TMEM62: variants seen among roughly 807,000 people sequenced by gnomAD.
TMEM62 encodes transmembrane protein 62.
In TMEM62, 41 loss-of-function variants were observed where a neutral mutation model predicts 70.4. The observed-to-expected ratio is 0.58, with a 90% CI of 0.45 to 0.76. The LOEUF (loss-of-function observed/expected upper bound fraction) is 0.76, where lower values mean the gene tolerates loss of function less well. Ranked by LOEUF, TMEM62 falls within the 30% of genes least tolerant of loss-of-function variation. The pLI is 0.00. For synonymous variants in TMEM62, 268 were observed against 291.0 expected (o/e 0.92, Z 0.80); for missense variants, 688 against 788.5 (o/e 0.87, Z 1.53).
At chr15:43,153,235 T>C (rs1288130935) in intron 8 of TMEM62, among the ~76,000 whole-genome samples, 1 of 152,086 alleles carries the variant, frequency 6.6e-6, no homozygotes, top group African/African-American at 2.4e-5. Flanking sequence ...GGAGCTAAAA[T>C]CACTATTTTT....
In TMEM62 at chr15:43,135,157, A is replaced by G. The variant is rs74790946; in HGVS notation, c.293-355A>G. On this transcript the variant is annotated intron_variant, in intron 2 of 13. Transcript: ENST00000260403. Reference sequence around the variant, plus strand: ...TTGTGGTTTGGAAAATATGGTTGCCATAGATATTAGGCAGCCACTCAGAGT... The same window carrying G: ...TTGTGGTTTGGAAAATATGGTTGCCGTAGATATTAGGCAGCCACTCAGAGT... Among the ~76,000 whole-genome samples the G allele has an allele frequency of 6.1e-3, 932 of 152,386 alleles. 11 individuals carry two copies. Among genetic ancestry groups the G allele is most frequent in the African/African-American group, 0.021 (886 of 41,598 alleles).
Position 43,169,627 on chromosome 15 carries a change from A to G in TMEM62, c.1331A>G (p.Gln444Arg). 3.1e-6 allele frequency: 5 copies of G among 1,614,142 alleles called. No individual in the cohort carries two copies. Among genetic ancestry groups the G allele is most frequent in the Non-Finnish European group, 4.2e-6 (5 of 1,179,984 alleles). The change falls in exon 11 of 14, where the codon CAG (glutamine) becomes CGG (arginine). Residue 444 changes from glutamine (Q) to arginine (R), a missense_variant. Physicochemically the swap from Gln to Arg is conservative, Grantham distance 43. Coordinates refer to ENST00000260403, the MANE Select transcript of TMEM62 (RefSeq NM_024956.4). The part of the protein sequence containing the change: ...RVLFVLIVLS[Q>R]LTILIIFRYR... ...CTTTTTGTGCTGATTGTGCTGAGCC[A>G]GCTCACCATTCTCATTATTTTTAGA... is the stretch of plus-strand genomic sequence containing the variant.
At chr15:43,161,714 G>C (rs1356320993) in intron 10 of TMEM62, among the ~76,000 whole-genome samples, 3 of 152,050 alleles carry the variant, frequency 2.0e-5, no homozygotes, top group African/African-American at 7.2e-5. Context: ...AGGCTGGAGT[G>C]CAATAGTGCC....
chr15:43,135,457 G>T, intron 2 of TMEM62, 55 bp from the exon 3 acceptor site: 1 of 1,528,210 alleles, frequency 6.5e-7, no homozygotes, highest in Non-Finnish European at 8.7e-7. Flanking sequence ...TAAAAAAAAT[G>T]GAACCCCCAG....
chr15:43,147,545 A>G (rs2036832123), intron 5 of TMEM62, among the ~76,000 whole-genome samples: 1 of 152,238 alleles, frequency 6.6e-6, no homozygotes, highest in Non-Finnish European at 1.5e-5. Flanking sequence ...TAAGACCAGT[A>G]TAGAAATAAA....
intron 4 of TMEM62, among the ~76,000 whole-genome samples, chr15:43,140,100 G>A (rs78456592): frequency 0.056 from 8,479 of 152,128 alleles, 772 homozygotes; most frequent in African/African-American, 0.19. Flanking sequence ...TGAGAAAGTT[G>A]CACAATAATT....
Position 43,145,350 on chromosome 15 carries a change from G to A in TMEM62, c.477-1143G>A, listed in dbSNP as rs570215299. Reference sequence around the variant, plus strand: ...CTCTGGAGTAGCTGGGACTACAGGCGCCCGCCAGCACGCCCGGCTAATTTT... The same window carrying A: ...CTCTGGAGTAGCTGGGACTACAGGCACCCGCCAGCACGCCCGGCTAATTTT... On this transcript the variant is annotated intron_variant, in intron 4 of 13. Coordinates refer to ENST00000260403, the MANE Select transcript of TMEM62 (RefSeq NM_024956.4). Among the ~76,000 whole-genome samples, 3 of 151,388 alleles carry A rather than the reference G, an allele frequency of 2.0e-5. No individual in the cohort carries two copies. The East Asian group carries it at 6.0e-4, about 30-fold the overall frequency.
intron 9 of TMEM62, among the ~76,000 whole-genome samples, chr15:43,159,562 A>G (rs1410776351): frequency 1.3e-5 from 2 of 152,184 alleles, no homozygotes; most frequent in East Asian, 3.8e-4. Flanking sequence ...TGTTGTTGCA[A>G]ATGATAGGAT....
At chr15:43,174,092 G>C (rs1297471993) in intron 11 of TMEM62, among the ~76,000 whole-genome samples, 2 of 151,832 alleles carry the variant, frequency 1.3e-5, no homozygotes, top group Non-Finnish European at 2.9e-5. Context: ...TCAAACTCCT[G>C]ACCTCAGGTG....
At position 43,138,661 on chromosome 15, in the gene TMEM62, T is replaced by A. The variant is rs2035576294; in HGVS notation, c.476+42T>A. 2.7e-6 allele frequency: 4 copies of A among 1,468,488 alleles called. No homozygotes were observed. The South Asian group carries it at 4.9e-5, about 18-fold the overall frequency. The allele number at this position is 1,468,488 out of a possible 1,614,324, so 91.0% of individuals were successfully genotyped here. ...AAGACAGACCACTATGTAGAGTCAG[T>A]GTTATAAGGAGGGTGTGGTCAACTC... is the stretch of plus-strand genomic sequence containing the variant. On this transcript the variant is annotated intron_variant, in intron 4 of 13. Coordinates refer to ENST00000260403, the MANE Select transcript of TMEM62 (RefSeq NM_024956.4).
intron 10 of TMEM62, among the ~76,000 whole-genome samples, chr15:43,166,845 G>C (rs573881557): frequency 2.6e-5 from 4 of 152,268 alleles, no homozygotes; most frequent in African/African-American, 7.2e-5. Flanking sequence ...GAGAGCACAG[G>C]GTTGGGGGTA....
intron 12 of TMEM62, chr15:43,180,941 A>G (rs1555467004): frequency 1.7e-5 from 6 of 362,240 alleles, no homozygotes; most frequent in Non-Finnish European, 3.0e-5. Flanking sequence ...AATCTATAAG[A>G]CACATATCTG....
intron 9 of TMEM62, among the ~76,000 whole-genome samples, chr15:43,159,981 G>GT: frequency 6.6e-6 from 1 of 151,490 alleles, no homozygotes; most frequent in South Asian, 2.1e-4. Context: ...CTCTTTTTTT[G>GT]TTTTTTTGAC....
chr15:43,141,871 G>C (rs769728744), intron 4 of TMEM62, among the ~76,000 whole-genome samples: 4 of 152,188 alleles, frequency 2.6e-5, no homozygotes, highest in Non-Finnish European at 5.9e-5. Flanking sequence ...TGTAAATGTG[G>C]AAATAGCAAG....
chr15:43,146,749 A>G (rs1241147779), intron 5 of TMEM62, 115 bp downstream of exon 5: 32 of 1,012,104 alleles, frequency 3.2e-5, no homozygotes, highest in Non-Finnish European at 4.4e-5. Context: ...CTTTGGAGAA[A>G]TTTAACTTGG....
Position 43,135,606 on chromosome 15 carries a change from A to C in TMEM62, c.387A>C (p.Arg129Ser). Residue 129 changes from arginine (R) to serine (S), a missense_variant, in exon 3 of 14, where the codon AGA becomes AGC. Transcript: ENST00000260403. Reference protein sequence around the residue: ...QTYQGILKKTRVMEKTKWLDI... With the variant: ...QTYQGILKKTSVMEKTKWLDI... Reference sequence around the variant, plus strand: ...ACCAGGGTATTCTGAAGAAGACAAGAGTCATGGAAAAAACCAAGTGGCTGG... The same window carrying C: ...ACCAGGGTATTCTGAAGAAGACAAGCGTCATGGAAAAAACCAAGTGGCTGG... The C allele has an allele frequency of 1.2e-6, 2 of 1,607,184 alleles. No individual in the cohort carries two copies. Among genetic ancestry groups the C allele is most frequent in the Middle Eastern group, 1.7e-4 (1 of 6,048 alleles).
At position 43,155,323 on chromosome 15, in the gene TMEM62, C is replaced by T. The variant is rs185836889; in HGVS notation, c.1182+492C>T. Among the ~76,000 whole-genome samples, 44 of 151,646 alleles carry T rather than the reference C, an allele frequency of 2.9e-4. 1 individual carries two copies. The East Asian group carries it at 7.4e-3, about 25-fold the overall frequency. ...ACCAGCCAGGGCAACATAGTGAGAC[C>T]GCATCTCAACAAAAAAATAAAAGTT... On this transcript the variant is annotated intron_variant, in intron 9 of 13. Coordinates refer to ENST00000260403, the MANE Select transcript of TMEM62 (RefSeq NM_024956.4).
chr15:43,145,672 T>G (rs1276345301), intron 4 of TMEM62, among the ~76,000 whole-genome samples: 1 of 152,312 alleles, frequency 6.6e-6, no homozygotes, highest in East Asian at 1.9e-4. Flanking sequence ...CATATTAAAT[T>G]TCAGGAGTTT....
intron 10 of TMEM62, among the ~76,000 whole-genome samples, chr15:43,163,385 T>A (rs2038989180): frequency 6.6e-6 from 1 of 152,204 alleles, no homozygotes; most frequent in Non-Finnish European, 1.5e-5. Context: ...TACTACAAAA[T>A]TTTTAAATCA....
Sources: allele counts gnomAD v4.1 joint callset (sites outside exome capture counted in the v4.1 genomes callset), GRCh38; gene constraint gnomAD v4.1.1; transcripts MANE v1.5; gene names NCBI Gene and HGNC (gene_info 2026-07-23, HGNC 2026-07-21).